The following PHB1 variants were observed in gnomAD, a reference collection of about 807,000 sequenced individuals.
PHB1 encodes epididymis luminal protein 215.
At chr17:49,405,222 G>A in the PHB1 span, 1 of 1,607,592 alleles carries the variant, frequency 6.2e-7, no homozygotes, top group Non-Finnish European at 8.5e-7. Context: ...AATGGAGGTG[G>A]AGACAAAGAT....
At chr17:49,404,810 GAA>G in the PHB1 span, 1 of 603,610 alleles carries the variant, frequency 1.7e-6, no homozygotes, top group Non-Finnish European at 2.9e-6. Flanking sequence ...TGAGAAGAAT[GAA>G]AGAGTTTCAT....
At chr17:49,409,175 G>A in the PHB1 span, 1 of 1,596,042 alleles carries the variant, frequency 6.3e-7, no homozygotes, top group Non-Finnish European at 8.6e-7. Context: ...TCAAAGGGAG[G>A]AGCAGAAGGG....
chr17:49,409,425 G>A, the PHB1 span: 1 of 1,614,056 alleles, frequency 6.2e-7, no homozygotes, highest in Non-Finnish European at 8.5e-7. Flanking sequence ...AAGCTGGCTG[G>A]CGACAGGCCG....
At chr17:49,405,417 G>A in the PHB1 span, among the ~76,000 whole-genome samples, 2 of 152,136 alleles carry the variant, frequency 1.3e-5, no homozygotes, top group South Asian at 2.1e-4. Flanking sequence ...TCCTTGTCAC[G>A]GGAGGGATAC....
At chr17:49,406,696 T>C in the PHB1 span, 1 of 1,161,122 alleles carries the variant, frequency 8.6e-7, no homozygotes, top group South Asian at 1.2e-5. Flanking sequence ...ACCCAGCAAA[T>C]GGGGAAGCTG....
chr17:49,413,608 A>T, the PHB1 span, among the ~76,000 whole-genome samples: 1 of 151,046 alleles, frequency 6.6e-6, no homozygotes, highest in African/African-American at 2.4e-5. Flanking sequence ...TCCCAGGCTC[A>T]AGCGATCTTC....
At chr17:49,411,720 G>A in the PHB1 span, 1 of 1,614,046 alleles carries the variant, frequency 6.2e-7, no homozygotes, top group Admixed American at 1.7e-5. Context: ...GGTCGAGAAC[G>A]GCAGTCAAAG....
At chr17:49,406,851 G>A in the PHB1 span, 2 of 1,611,024 alleles carry the variant, frequency 1.2e-6, no homozygotes, top group South Asian at 1.1e-5. Context: ...AAGGTCAGAT[G>A]TGTCTAAGGG....
At chr17:49,413,246 C>G in the PHB1 span, 6 of 1,609,108 alleles carry the variant, frequency 3.7e-6, no homozygotes, top group Non-Finnish European at 4.2e-6. Flanking sequence ...CCAATGGACT[C>G]AAACACTTTG....
the PHB1 span, among the ~76,000 whole-genome samples, chr17:49,414,034 C>T: frequency 6.6e-6 from 1 of 151,884 alleles, no homozygotes; most frequent in Non-Finnish European, 1.5e-5. Context: ...TTGATGCCAA[C>T]AAAAAAAGTA....
At chr17:49,404,600 C>A in the PHB1 span, 7 of 292,784 alleles carry the variant, frequency 2.4e-5, no homozygotes, top group Admixed American at 2.0e-4. Flanking sequence ...AACCTTCCAT[C>A]AGTGACAGGA....
chr17:49,409,408 T>C, the PHB1 span: 1 of 1,614,082 alleles, frequency 6.2e-7, no homozygotes, highest in Non-Finnish European at 8.5e-7. Context: ...CTGGTGAAGA[T>C]GCGAGGAAGC....
At chr17:49,406,630 C>G in the PHB1 span, 1 of 719,248 alleles carries the variant, frequency 1.4e-6, no homozygotes, top group Non-Finnish European at 2.5e-6. Context: ...ACAATTCCTT[C>G]AAGCCCCTTC....
the PHB1 span, among the ~76,000 whole-genome samples, chr17:49,408,123 T>C: frequency 8.5e-5 from 13 of 152,140 alleles, no homozygotes; most frequent in African/African-American, 3.1e-4. Context: ...TAACGGTAAT[T>C]ACGAGGGAAG....
the PHB1 span, chr17:49,405,299 G>A: frequency 9.7e-7 from 1 of 1,033,256 alleles, no homozygotes; most frequent in Non-Finnish European, 1.4e-6. Context: ...ACCTTCCCAG[G>A]CTCCTGAAGG....
chr17:49,411,815 A>G, the PHB1 span: 1 of 1,614,200 alleles, frequency 6.2e-7, no homozygotes, highest in Non-Finnish European at 8.5e-7. Flanking sequence ...TCGGTCAAAG[A>G]TGACAGCTCT....
At chr17:49,412,539 A>G in the PHB1 span, 1 of 152,962 alleles carries the variant, frequency 6.5e-6, no homozygotes, top group African/African-American at 2.4e-5. Context: ...GGATGGGTCA[A>G]TCTATTGCTG....
At chr17:49,408,674 G>A in the PHB1 span, 2 of 182,300 alleles carry the variant, frequency 1.1e-5, no homozygotes, top group Non-Finnish European at 2.3e-5. Context: ...GGAGGTCTGT[G>A]CTAGGGAGAA....
the PHB1 span, chr17:49,407,170 AGAG>A: frequency 1.7e-5 from 5 of 295,900 alleles, no homozygotes; most frequent in African/African-American, 6.4e-5. Context: ...CCACCTCCCC[AGAG>A]GAGGAGAACT....
Sources: allele counts gnomAD v4.1 joint callset (sites outside exome capture counted in the v4.1 genomes callset), GRCh38; gene constraint gnomAD v4.1.1; transcripts MANE v1.5; gene names NCBI Gene and HGNC (gene_info 2026-07-23, HGNC 2026-07-21).